PRKG1: variants seen among roughly 807,000 people sequenced by gnomAD.
PRKG1 encodes protein kinase cGMP-dependent 1.
A neutral mutation model predicts 88.1 loss-of-function variants in PRKG1; 35 were observed. That is an observed-to-expected ratio of 0.40 (90% confidence interval 0.30 to 0.53). PRKG1 has a LOEUF of 0.53. PRKG1 is among the 20% of genes least tolerant of loss of function. PRKG1 has a pLI of 0.59. For missense variants in PRKG1, 540 were observed against 839.8 expected, an observed-to-expected ratio of 0.64 and a Z score of 4.41; for synonymous variants, 303 against 292.5, an observed-to-expected ratio of 1.04 and a Z score of -0.37.
At chr10:51,856,942 C>A (rs1335064857) in intron 4 of PRKG1, among the ~76,000 whole-genome samples, 1 of 139,208 alleles carries the variant, frequency 7.2e-6, no homozygotes, top group African/African-American at 2.6e-5. Context: ...CCAGTCTGGG[C>A]GACAGAGCGA....
At chr10:52,038,316 C>T (rs983049083) in intron 5 of PRKG1, among the ~76,000 whole-genome samples, 1 of 151,112 alleles carries the variant, frequency 6.6e-6, no homozygotes, top group South Asian at 2.1e-4. Context: ...TTCTTACCTT[C>T]CAGAAAAGTG....
chr10:51,274,595 C>G (rs140539713), intron 2 of PRKG1, among the ~76,000 whole-genome samples: 108 of 152,246 alleles, frequency 7.1e-4, no homozygotes, highest in African/African-American at 2.5e-3. Context: ...CCCAAAATGA[C>G]CGTGCTCAAC....
intron 1 of PRKG1, among the ~76,000 whole-genome samples, chr10:51,024,850 T>G (rs905473603): frequency 1.3e-5 from 2 of 152,008 alleles, no homozygotes; most frequent in African/African-American, 4.8e-5. Flanking sequence ...AAAGGGGATA[T>G]CCATCCCCAT....
At chr10:51,987,458 C>CTTTTTTTTTTTTTT in intron 5 of PRKG1, among the ~76,000 whole-genome samples, 1 of 139,216 alleles carries the variant, frequency 7.2e-6, no homozygotes, top group Non-Finnish European at 1.6e-5. Flanking sequence ...CTACTCATTA[C>CTTTTTTTTTTTTTT]TTTTTTTTTT....
chr10:52,143,726 C>A (rs998985447), intron 8 of PRKG1, among the ~76,000 whole-genome samples: 3 of 152,100 alleles, frequency 2.0e-5, no homozygotes, highest in African/African-American at 4.8e-5. Context: ...GAAGCTGAAC[C>A]CTTTTGTCCT....
chr10:51,723,891 T>A (rs765824439), intron 3 of PRKG1, among the ~76,000 whole-genome samples: 2 of 152,232 alleles, frequency 1.3e-5, no homozygotes, highest in Non-Finnish European at 2.9e-5. Context: ...TTGTCTTTAT[T>A]TGGAAACTAA....
At chr10:51,674,241 A>G (rs528003258) in intron 3 of PRKG1, among the ~76,000 whole-genome samples, 1 of 152,164 alleles carries the variant, frequency 6.6e-6, no homozygotes, top group African/African-American at 2.4e-5. Context: ...CCATAAATAT[A>G]CATGTGCCAT....
chr10:51,633,872 A>T (rs2132285346), intron 3 of PRKG1, among the ~76,000 whole-genome samples: 1 of 152,272 alleles, frequency 6.6e-6, no homozygotes, highest in East Asian at 1.9e-4. Context: ...TTGTCAACTG[A>T]TGACCCCTCC....
At chr10:51,265,656 A>G (rs985050333) in intron 2 of PRKG1, among the ~76,000 whole-genome samples, 1 of 152,160 alleles carries the variant, frequency 6.6e-6, no homozygotes, top group Non-Finnish European at 1.5e-5. Context: ...TAGCAGAGAA[A>G]ATAAGAAATG....
intron 3 of PRKG1, among the ~76,000 whole-genome samples, chr10:51,746,058 C>T (rs1001413730): frequency 6.6e-6 from 1 of 152,084 alleles, no homozygotes; most frequent in African/African-American, 2.4e-5. Flanking sequence ...CTTTGTTGCC[C>T]AGGCTCGTCT....
intron 12 of PRKG1, among the ~76,000 whole-genome samples, chr10:52,273,259 C>T (rs1215944656): frequency 6.6e-6 from 1 of 151,872 alleles, no homozygotes; most frequent in Non-Finnish European, 1.5e-5. Context: ...TAAAAACACA[C>T]TTTTATTTTC....
chr10:51,915,275 A>T (rs1842314479), intron 5 of PRKG1, among the ~76,000 whole-genome samples: 1 of 152,238 alleles, frequency 6.6e-6, no homozygotes, highest in Non-Finnish European at 1.5e-5. Context: ...AGAGACACTG[A>T]TAAGGTCAAT....
intron 3 of PRKG1, among the ~76,000 whole-genome samples, chr10:51,621,007 G>GTCTATA (rs370817382): frequency 8.2e-6 from 1 of 122,160 alleles, no homozygotes; most frequent in Non-Finnish European, 1.7e-5. Context: ...GTGTATATGT[G>GTCTATA]TGTATATATA....
chr10:52,016,265 C>A (rs564169560), intron 5 of PRKG1, among the ~76,000 whole-genome samples: 113 of 152,262 alleles, frequency 7.4e-4, no homozygotes, highest in Non-Finnish European at 1.2e-3. Flanking sequence ...AGGAAACTTA[C>A]AATTATGGCA....
intron 3 of PRKG1, among the ~76,000 whole-genome samples, chr10:51,663,549 GAA>G (rs147288115): frequency 6.8e-6 from 1 of 146,558 alleles, no homozygotes; most frequent in Non-Finnish European, 1.5e-5. Context: ...TACAAAAAAA[GAA>G]AAAAAAAACT....
intron 2 of PRKG1, among the ~76,000 whole-genome samples, chr10:51,311,131 G>A (rs981999800): frequency 3.3e-5 from 5 of 152,128 alleles, no homozygotes; most frequent in Non-Finnish European, 5.9e-5. Flanking sequence ...AGGTTCAAAA[G>A]GCACCTCCTC....
At chr10:51,068,848 A>G (rs1439628376) in intron 1 of PRKG1, among the ~76,000 whole-genome samples, 2 of 152,046 alleles carry the variant, frequency 1.3e-5, no homozygotes, top group African/African-American at 4.8e-5. Flanking sequence ...GTACATATTC[A>G]TTACGCTTCA....
chr10:51,066,183 G>T (rs1843747658), intron 1 of PRKG1, among the ~76,000 whole-genome samples: 1 of 152,072 alleles, frequency 6.6e-6, no homozygotes, highest in Non-Finnish European at 1.5e-5. Flanking sequence ...TAACACTTTG[G>T]TAATTAATTA....
chr10:51,524,081 C>T (rs905652936), intron 3 of PRKG1, among the ~76,000 whole-genome samples: 10 of 152,116 alleles, frequency 6.6e-5, no homozygotes, highest in African/African-American at 2.4e-4. Flanking sequence ...TCCCCTGGTT[C>T]TCTTTCTTGT....
Sources: gnomAD v4.1 joint callset for allele counts (sites outside exome capture counted in the v4.1 genomes callset) on GRCh38, gnomAD v4.1.1 for gene constraint, MANE v1.5 for transcripts, NCBI Gene and HGNC (gene_info 2026-07-23, HGNC 2026-07-21) for gene names.